VN1R4: variants seen among roughly 807,000 people sequenced by gnomAD.
VN1R4 encodes the protein vomeronasal 1 receptor 4, also known as vomeronasal type-1 receptor 4.
For synonymous variants in VN1R4, 97 were observed against 138.8 expected (o/e 0.70, Z 2.12); for missense variants, 291 against 364.2 (o/e 0.80, Z 1.64).
At chr19:53,267,151 T>C (rs1317344284) in exon 1 of VN1R4, 2 of 1,612,858 alleles carry the variant, frequency 1.2e-6, no homozygotes, top group South Asian at 1.1e-5. Context: ...GATTTTGTTG[T>C]TGCCTCCCCC....
chr19:53,266,732 A>C lies in VN1R4; in HGVS notation c.*28T>G, dbSNP rs1280050900. 1.3e-5 allele frequency: 21 copies of C among 1,557,640 alleles called. 1 individual carries two copies. In the South Asian group the frequency reaches 2.6e-4, roughly 19 times the overall value. On this transcript the variant is annotated 3_prime_UTR_variant, in exon 1 of 1. Transcript: ENST00000311170. The stretch of plus-strand genomic sequence containing the variant: ...CCATGAGCAAATATATACAATGTAC[A>C]TGTTTATGATGAGGTTAGGAGATCT...
exon 1 of VN1R4, chr19:53,266,963 T>A (rs1213567305): frequency 6.2e-7 from 1 of 1,611,374 alleles, no homozygotes. Context: ...AGGATGAGGA[T>A]GCTCTGCGTA....
At chr19:53,267,428 A>G (rs1277711765) in exon 1 of VN1R4, 1 of 1,614,150 alleles carries the variant, frequency 6.2e-7, no homozygotes. Context: ...ACAAGTTTGC[A>G]CCCAAGAGCA....
exon 1 of VN1R4, chr19:53,266,876 T>C: frequency 6.2e-7 from 1 of 1,614,104 alleles, no homozygotes; most frequent in Non-Finnish European, 8.5e-7. Context: ...ACCAGTAAAC[T>C]ATTGGGATTA....
exon 1 of VN1R4, chr19:53,266,898 C>G: frequency 6.2e-7 from 1 of 1,614,100 alleles, no homozygotes; most frequent in Non-Finnish European, 8.5e-7. Context: ...CCAAAAGAGC[C>G]ATACAAACTT....
At chr19:53,267,267 C>T in exon 1 of VN1R4, 3 of 1,613,474 alleles carry the variant, frequency 1.9e-6, no homozygotes, top group South Asian at 1.1e-5. Context: ...CGATCCAGCA[C>T]AGGAGAACAG....
chr19:53,267,292 T>C (rs780807934), exon 1 of VN1R4: 3 of 1,613,932 alleles, frequency 1.9e-6, no homozygotes, highest in Admixed American at 1.7e-5. Flanking sequence ...GCCAACATGC[T>C]TGGGGGCTTT....
chr19:53,266,732 A>T (rs1280050900), exon 1 of VN1R4: 1 of 1,557,758 alleles, frequency 6.4e-7, no homozygotes, highest in South Asian at 1.2e-5. Context: ...TACAATGTAC[A>T]TGTTTATGAT....
At chr19:53,267,434 G>T (rs1446864629) in exon 1 of VN1R4, 1 of 1,614,174 alleles carries the variant, frequency 6.2e-7, no homozygotes, top group Admixed American at 1.7e-5. Flanking sequence ...TTGCACCCAA[G>T]AGCATTGAGA....
rs1191759310 is a variant in VN1R4, at chr19:53,267,709, G to C, written c.-44C>G. 7 of 1,507,732 alleles carry C rather than the reference G, an allele frequency of 4.6e-6. No homozygotes were observed. The South Asian group carries it at 9.3e-5, about 20-fold the overall frequency. 93.4% of individuals were successfully genotyped at this position (1,507,732 alleles called of 1,614,324 possible). ...CACTGATGTTTGTCTTCAGGGCTGGGAGGTCCTGCATGGAAATAGGAGGCA... is the reference window on the plus strand; with the variant it reads ...CACTGATGTTTGTCTTCAGGGCTGGCAGGTCCTGCATGGAAATAGGAGGCA... On this transcript the variant is annotated 5_prime_UTR_variant, in exon 1 of 1. Coordinates refer to ENST00000311170, the Ensembl canonical transcript of VN1R4.
chr19:53,267,158 C>T (rs1393372675), exon 1 of VN1R4: 1 of 1,611,998 alleles, frequency 6.2e-7, no homozygotes. Flanking sequence ...TTGTTGCCTC[C>T]CCCAGAACAG....
exon 1 of VN1R4, chr19:53,266,689 A>G: frequency 7.0e-7 from 1 of 1,433,870 alleles, no homozygotes; most frequent in South Asian, 1.4e-5. Context: ...GGCACAGAAG[A>G]GTAAGTCATC....
chr19:53,266,707 C>T, exon 1 of VN1R4: 2 of 1,502,156 alleles, frequency 1.3e-6, no homozygotes, highest in Non-Finnish European at 1.8e-6. Context: ...ATCAATTGAA[C>T]CATGAGCAAA....
In VN1R4 at chr19:53,267,556, C is replaced by T. The variant is rs752546394; in HGVS notation, c.110G>A (p.Cys37Tyr). The T allele has an allele frequency of 3.2e-5, 52 of 1,613,900 alleles. No homozygotes were observed. The South Asian group carries it at 3.4e-4, about 11-fold the overall frequency. ...AATCAAATCTGTGGACCTTAACCTG[C>T]ACCCAGTGCAGTAAAAGGAGAGATA... Residue 37 changes from cysteine to tyrosine, a missense_variant, in exon 1 of 1, where the codon TGC becomes TAC. Transcript: ENST00000311170.
chr19:53,267,405 A>G (rs2091355491), exon 1 of VN1R4: 1 of 1,614,068 alleles, frequency 6.2e-7, no homozygotes, highest in Non-Finnish European at 8.5e-7. Context: ...TGCCCACTCT[A>G]TGGAGATAGA....
exon 1 of VN1R4, chr19:53,266,948 T>C: frequency 6.2e-7 from 1 of 1,613,032 alleles, no homozygotes; most frequent in Non-Finnish European, 8.5e-7. Flanking sequence ...ACAAAGGTGC[T>C]CACCAGGATG....
At chr19:53,267,106 G>A (rs1483835346) in exon 1 of VN1R4, 9 of 1,612,862 alleles carry the variant, frequency 5.6e-6, no homozygotes, top group Non-Finnish European at 7.6e-6. Flanking sequence ...CAACACATCA[G>A]GGAATGATAA....
chr19:53,267,608 G>C, exon 1 of VN1R4: 1 of 1,613,358 alleles, frequency 6.2e-7, no homozygotes, highest in Non-Finnish European at 8.5e-7. Context: ...AAGCTCCCCA[G>C]GACTCCCACC....
chr19:53,267,685 A>G, exon 1 of VN1R4: 1 of 1,554,860 alleles, frequency 6.4e-7, no homozygotes, highest in Non-Finnish European at 8.7e-7. Flanking sequence ...GATGTCTGTC[A>G]CTGATGTTTG....
Sources: allele counts gnomAD v4.1 joint callset, GRCh38; gene constraint gnomAD v4.1.1; transcripts MANE v1.5; gene names NCBI Gene and HGNC (gene_info 2026-07-23, HGNC 2026-07-21).